Variants in TMPRSS2 observed in about 807,000 individuals in gnomAD.
The protein encoded by TMPRSS2 is transmembrane serine protease 2, also known as transmembrane protease serine 2.
TMPRSS2 carries 59 observed loss-of-function variants against 67.4 expected under a neutral mutation model. The observed-to-expected ratio is 0.88, with a 90% confidence interval of 0.71 to 1.09. The LOEUF is 1.09. Among genes scored for constraint, TMPRSS2 ranks in the 50% least tolerant of loss-of-function variants. The pLI, the probability that TMPRSS2 is intolerant of heterozygous loss-of-function variation, is 0.00. For synonymous variants in TMPRSS2, 257 were observed against 257.0 expected, an observed-to-expected ratio of 1.00 and a Z score of 0.00; for missense variants, 668 against 642.7, an observed-to-expected ratio of 1.04 and a Z score of -0.43.
At chr21:41,493,541 G>A (rs905853253) in intron 3 of TMPRSS2, among the ~76,000 whole-genome samples, 25 of 152,228 alleles carry the variant, frequency 1.6e-4, no homozygotes, top group African/African-American at 5.8e-4. Flanking sequence ...AAGTTGTAGA[G>A]ACAGGATGCA....
chr21:41,466,037 T>G lies in TMPRSS2; in HGVS notation c.*105A>C. 1 of 1,399,310 alleles carries G rather than the reference T, an allele frequency of 7.1e-7. No homozygotes were observed. Among genetic ancestry groups the G allele is most frequent in the South Asian group, 1.2e-5 (1 of 82,578 alleles). 86.7% of individuals were successfully genotyped at this position (1,399,310 alleles called of 1,614,324 possible). On this transcript the variant is annotated 3_prime_UTR_variant, in exon 14 of 14. Transcript: ENST00000332149. ...AGACAAGTTCACTGTTTAATAAAAA[T>G]GAAGTGACCTCTGAATCATCTCTAA... is the stretch of plus-strand genomic sequence containing the variant.
chr21:41,490,988 C>T (rs954941597), intron 3 of TMPRSS2, among the ~76,000 whole-genome samples: 1 of 152,188 alleles, frequency 6.6e-6, no homozygotes, highest in Admixed American at 6.5e-5. Flanking sequence ...GCTGACCCAT[C>T]TGCTGAGGGC....
At position 41,465,187 on chromosome 21, in the gene TMPRSS2, T is replaced by A. The variant is rs1258062769; in HGVS notation, c.*955A>T. The A allele has an allele frequency of 4.3e-6, 1 of 233,636 alleles. No homozygotes were observed. The highest frequency in any genetic ancestry group is 8.5e-6 in the Non-Finnish European group (1 of 118,062). The allele number at this position is 233,636 out of a possible 1,614,324, so 14.5% of individuals were successfully genotyped here. A position where few individuals can be genotyped will look rare whatever the true frequency, so the allele number is the denominator to read the frequency against. The stretch of plus-strand genomic sequence containing the variant: ...AAGAGTTAAATGAAGGTGGACTACT[T>A]GGAGACATCAAAAGCTAAGTTTCCA... On this transcript the variant is annotated 3_prime_UTR_variant, in exon 14 of 14. Transcript: ENST00000332149.
chr21:41,487,592 A>C (rs1449607321), intron 5 of TMPRSS2: 1 of 152,190 alleles, frequency 6.6e-6, no homozygotes, highest in African/African-American at 2.4e-5. Flanking sequence ...TTCTAGCTTG[A>C]CTTAGCCATG....
intron 2 of TMPRSS2, among the ~76,000 whole-genome samples, chr21:41,495,530 C>A (rs972450062): frequency 1.4e-5 from 2 of 147,890 alleles, no homozygotes; most frequent in Non-Finnish European, 3.0e-5. Flanking sequence ...GAGGCCGAGG[C>A]GGGAGAATTG....
At chr21:41,475,428 A>G (rs1227062729) in intron 8 of TMPRSS2, among the ~76,000 whole-genome samples, 1 of 35,878 alleles carries the variant, frequency 2.8e-5, no homozygotes. Context: ...GGGTGAGTGG[A>G]TGAAGGGGTG....
rs2091079993 is a variant in TMPRSS2, at chr21:41,465,999, G to A, written c.*143C>T. ...ACTGCAGCCTGCACAGAATGGCAGA[G>A]AGTGCCAAAGCCAGACAAGTTCACT... On this transcript the variant is annotated 3_prime_UTR_variant, in exon 14 of 14. Transcript: ENST00000332149. 3.4e-5 allele frequency: 34 copies of A among 1,008,522 alleles called. No individual in the cohort carries two copies. The South Asian group carries it at 3.6e-4, about 11-fold the overall frequency. 62.5% of individuals were successfully genotyped at this position (1,008,522 alleles called of 1,614,324 possible). A position where few individuals can be genotyped will look rare whatever the true frequency, so the allele number is the denominator to read the frequency against.
At chr21:41,471,709 A>G in intron 10 of TMPRSS2, 97 bp downstream of exon 10, 2 of 1,409,880 alleles carry the variant, frequency 1.4e-6, no homozygotes, top group South Asian at 2.8e-5. Flanking sequence ...CTCAACGCAA[A>G]TGCCTCCCTT....
chr21:41,507,931 G>A (rs760655650), intron 1 of TMPRSS2, 150 bp downstream of exon 1: 8 of 1,490,652 alleles, frequency 5.4e-6, no homozygotes, highest in Non-Finnish European at 7.1e-6. Flanking sequence ...CCCAGCGCTC[G>A]ACCCTCGGGC....
At chr21:41,472,402 C>T (rs2091141794) in intron 9 of TMPRSS2, among the ~76,000 whole-genome samples, 1 of 152,156 alleles carries the variant, frequency 6.6e-6, no homozygotes, top group African/African-American at 2.4e-5. Context: ...TTCCTTTATC[C>T]AAGAGTTTCC....
intron 1 of TMPRSS2, among the ~76,000 whole-genome samples, chr21:41,501,493 C>T (rs774760207): frequency 6.6e-6 from 1 of 151,698 alleles, no homozygotes; most frequent in East Asian, 1.9e-4. Flanking sequence ...CCTGTAATCC[C>T]AGCTACTTGG....
intron 10 of TMPRSS2, among the ~76,000 whole-genome samples, chr21:41,471,150 A>G (rs908788631): frequency 1.3e-5 from 2 of 152,194 alleles, no homozygotes; most frequent in Non-Finnish European, 2.9e-5. Flanking sequence ...CCATTTCCCA[A>G]TGTGAATACA....
intron 3 of TMPRSS2, among the ~76,000 whole-genome samples, chr21:41,493,414 T>A (rs1601585560): frequency 6.7e-6 from 1 of 148,216 alleles, no homozygotes; most frequent in South Asian, 2.2e-4. Flanking sequence ...TTGTCCTGAG[T>A]GGGGGAGAGG....
chr21:41,495,260 C>G (rs2091372693), intron 2 of TMPRSS2, among the ~76,000 whole-genome samples: 1 of 151,866 alleles, frequency 6.6e-6, no homozygotes, highest in Admixed American at 6.6e-5. Flanking sequence ...AACAGGAGTT[C>G]CTTCATGACA....
chr21:41,465,333 C>A lies in TMPRSS2; in HGVS notation c.*809G>T. On this transcript the variant is annotated 3_prime_UTR_variant, in exon 14 of 14. Coordinates refer to ENST00000332149, the MANE Select transcript of TMPRSS2 (RefSeq NM_005656.4). ...TGACTAGCAGGCCTGAAGAGGCCAA[C>A]ATGGTGCCAGACTTGGCGCCCTGCC... is the stretch of plus-strand genomic sequence containing the variant. 5 of 233,754 alleles carry A rather than the reference C, an allele frequency of 2.1e-5. No individual in the cohort carries two copies. Among genetic ancestry groups the A allele is most frequent in the Non-Finnish European group, 8.5e-6 (1 of 118,078 alleles). The allele number at this position is 233,754 out of a possible 1,614,324, so 14.5% of individuals were successfully genotyped here.
chr21:41,476,562 T>C lies in TMPRSS2; in HGVS notation c.727+15A>G. 2.0e-5 allele frequency: 32 copies of C among 1,612,404 alleles called. No individual in the cohort carries two copies. Among genetic ancestry groups the C allele is most frequent in the Non-Finnish European group, 2.7e-5 (32 of 1,179,028 alleles). ...TAGTTAGAAGTATCAAAAGGGGGAC[T>C]CCAGATGAACTTACCTATACAGCGT... On this transcript the variant is annotated intron_variant, in intron 8 of 13. Transcript: ENST00000332149.
At chr21:41,473,867 G>T (rs1260981927) in intron 8 of TMPRSS2, among the ~76,000 whole-genome samples, 1 of 147,776 alleles carries the variant, frequency 6.8e-6, no homozygotes, top group Non-Finnish European at 1.5e-5. Flanking sequence ...AGGGCTGGAA[G>T]TGAGTGAGGG....
intron 7 of TMPRSS2, among the ~76,000 whole-genome samples, chr21:41,477,894 A>G (rs61325328): frequency 2.6e-5 from 4 of 151,976 alleles, no homozygotes; most frequent in African/African-American, 9.7e-5. Flanking sequence ...CACCACCACC[A>G]CCGAGATAGA....
Position 41,471,841 on chromosome 21 carries a change from G to T in TMPRSS2, c.1040C>A (p.Ala347Glu), listed in dbSNP as rs745742232. 3.1e-6 allele frequency: 5 copies of T among 1,611,942 alleles called. No homozygotes were observed. The highest frequency in any genetic ancestry group is 2.7e-5 in the African/African-American group (2 of 74,862). Residue 347 changes from alanine (A) to glutamate (E), a missense_variant, in exon 10 of 14, where the codon GCG (alanine) becomes GAG (glutamate). Physicochemically the swap from Ala to Glu is moderately radical, Grantham distance 107. Transcript: ENST00000332149. ...CAGAGGCTTCTGCAGCTTCATCAGC[G>T]CAATGTCATTGTTCTTGGTCTTGGA... The part of the protein sequence containing the change: ...YDSKTKNNDI[A>E]LMKLQKPLTF...
Sources: allele counts gnomAD v4.1 joint callset (sites outside exome capture counted in the v4.1 genomes callset), GRCh38; gene constraint gnomAD v4.1.1; transcripts MANE v1.5; gene names NCBI Gene and HGNC (gene_info 2026-07-23, HGNC 2026-07-21).